Variants in HDAC9 observed in about 807,000 individuals in gnomAD.
The protein encoded by HDAC9 is MEF-2 interacting transcription repressor (MITR) protein.
A neutral mutation model predicts 139.4 loss-of-function variants in HDAC9; 41 were observed. The ratio of observed to expected loss-of-function variants is 0.29; its 90% CI spans 0.23 to 0.38. The LOEUF is 0.38. HDAC9 is among the 10% of genes least tolerant of loss of function. HDAC9 has a pLI of 1.00. For synonymous variants in HDAC9, 517 were observed against 476.2 expected, an observed-to-expected ratio of 1.09 and a Z score of -1.12; for missense variants, 1,147 against 1,297.0, an observed-to-expected ratio of 0.88 and a Z score of 1.78.
chr7:18,156,716 C>T (rs1787232428), intron 1 of HDAC9, among the ~76,000 whole-genome samples: 1 of 152,136 alleles, frequency 6.6e-6, no homozygotes, highest in Non-Finnish European at 1.5e-5. Flanking sequence ...TATTGTCTAA[C>T]ATATGTGATG....
chr7:18,137,700 G>A (rs1287114104), intron 1 of HDAC9, among the ~76,000 whole-genome samples: 16 of 151,774 alleles, frequency 1.1e-4, no homozygotes, highest in African/African-American at 2.2e-4. Context: ...TGCTGGATTC[G>A]TTTTGCCAGT....
At chr7:18,898,778 G>A (rs1428412034) in intron 22 of HDAC9, among the ~76,000 whole-genome samples, 2 of 151,876 alleles carry the variant, frequency 1.3e-5, no homozygotes, top group East Asian at 3.9e-4. Flanking sequence ...GTGTGACAAG[G>A]AAGACTGGTA....
chr7:18,633,689 A>C (rs1345516821), intron 7 of HDAC9, among the ~76,000 whole-genome samples: 1 of 152,106 alleles, frequency 6.6e-6, no homozygotes, highest in Non-Finnish European at 1.5e-5. Flanking sequence ...TGTAATGATG[A>C]GGCAGCTAGG....
intron 1 of HDAC9, among the ~76,000 whole-genome samples, chr7:18,478,306 C>T (rs998732728): frequency 6.6e-6 from 1 of 152,146 alleles, no homozygotes; most frequent in Admixed American, 6.5e-5. Flanking sequence ...CTCCTGACCT[C>T]GGGATCCGCC....
chr7:18,237,541 A>G (rs1793903277), intron 2 of HDAC9, among the ~76,000 whole-genome samples: 1 of 152,218 alleles, frequency 6.6e-6, no homozygotes, highest in Admixed American at 6.5e-5. Context: ...ATGGAGGCTC[A>G]TGGGAGAACA....
intron 1 of HDAC9, chr7:18,430,387 C>G (rs1585842745): frequency 6.6e-6 from 1 of 152,162 alleles, no homozygotes; most frequent in Non-Finnish European, 1.5e-5. Context: ...CAACACCTGG[C>G]TAATTTTTTA....
intron 6 of HDAC9, 47 bp downstream of exon 6, chr7:18,594,076 T>C (rs775395885): frequency 3.1e-6 from 5 of 1,603,470 alleles, no homozygotes; most frequent in Non-Finnish European, 4.3e-6. Context: ...GTAACACACC[T>C]GTAAGTTTCA....
At chr7:18,381,700 TTAAA>T (rs769318149) in intron 1 of HDAC9, among the ~76,000 whole-genome samples, 21 of 152,100 alleles carry the variant, frequency 1.4e-4, no homozygotes, top group Non-Finnish European at 2.2e-4. Flanking sequence ...TAAAAATAAC[TTAAA>T]TAATAAAATA....
At chr7:18,239,066 A>G (rs1453809524) in intron 2 of HDAC9, among the ~76,000 whole-genome samples, 1 of 152,166 alleles carries the variant, frequency 6.6e-6, no homozygotes, top group Non-Finnish European at 1.5e-5. Flanking sequence ...CTTTACACTT[A>G]CGATTGGAAA....
At chr7:18,885,096 G>A (rs181890750) in intron 22 of HDAC9, among the ~76,000 whole-genome samples, 1 of 152,308 alleles carries the variant, frequency 6.6e-6, no homozygotes. Flanking sequence ...TAGAAAAGAT[G>A]ACTTTCTGCT....
At chr7:18,187,894 C>T (rs1215551897) in intron 2 of HDAC9, among the ~76,000 whole-genome samples, 7 of 152,152 alleles carry the variant, frequency 4.6e-5, no homozygotes, top group Non-Finnish European at 2.9e-5. Flanking sequence ...TCATGTTTCC[C>T]AGGCTTGTCT....
chr7:18,644,426 C>T (rs1204849193), intron 8 of HDAC9, among the ~76,000 whole-genome samples: 3 of 151,946 alleles, frequency 2.0e-5, no homozygotes, highest in Non-Finnish European at 4.4e-5. Flanking sequence ...TTTGTATAGC[C>T]AGAATTTTAT....
At chr7:18,928,715 T>C (rs529803997) in intron 22 of HDAC9, among the ~76,000 whole-genome samples, 1 of 152,238 alleles carries the variant, frequency 6.6e-6, no homozygotes, top group South Asian at 2.1e-4. Flanking sequence ...TTTTGTTTTA[T>C]TTAGAAAATA....
intron 1 of HDAC9, among the ~76,000 whole-genome samples, chr7:18,347,720 C>T (rs78493141): frequency 0.092 from 13,970 of 152,120 alleles, 810 homozygotes; most frequent in East Asian, 0.18. Context: ...GCTTCAGGCT[C>T]CCGAGTAGCT....
At chr7:18,860,185 C>A (rs1798004663) in intron 21 of HDAC9, among the ~76,000 whole-genome samples, 3 of 151,768 alleles carry the variant, frequency 2.0e-5, no homozygotes, top group African/African-American at 7.3e-5. Context: ...AATTAAGTTT[C>A]CAAAGTGCAC....
At chr7:18,741,040 G>T (rs1787400409) in intron 13 of HDAC9, among the ~76,000 whole-genome samples, 1 of 152,166 alleles carries the variant, frequency 6.6e-6, no homozygotes, top group South Asian at 2.1e-4. Flanking sequence ...TGGCTCTTGA[G>T]GTTTAAGGAA....
intron 1 of HDAC9, among the ~76,000 whole-genome samples, chr7:18,370,999 T>A (rs933057614): frequency 6.6e-6 from 1 of 152,206 alleles, no homozygotes; most frequent in African/African-American, 2.4e-5. Flanking sequence ...ATCTATCCAT[T>A]CATCTCAATA....
chr7:18,898,996 C>T (rs1406025493), intron 22 of HDAC9, among the ~76,000 whole-genome samples: 2 of 151,948 alleles, frequency 1.3e-5, no homozygotes, highest in African/African-American at 4.8e-5. Context: ...TACGCTTATG[C>T]TACCAAAAAG....
chr7:18,606,922 G>T (rs1835676167), intron 6 of HDAC9, among the ~76,000 whole-genome samples: 1 of 152,032 alleles, frequency 6.6e-6, no homozygotes. Flanking sequence ...ACTTGTAAAT[G>T]TTGTAATTGA....
Sources: allele counts gnomAD v4.1 joint callset (sites outside exome capture counted in the v4.1 genomes callset), GRCh38; gene constraint gnomAD v4.1.1; transcripts MANE v1.5; gene names NCBI Gene and HGNC (gene_info 2026-07-23, HGNC 2026-07-21).